The following COPG2 variants were observed in gnomAD, a reference collection of about 807,000 sequenced individuals.
The protein encoded by COPG2 is coat protein complex I subunit gamma 2, also known as coatomer subunit gamma-2.
A neutral mutation model predicts 46.3 loss-of-function variants in COPG2; 37 were observed. The ratio of observed to expected loss-of-function variants is 0.80; its 90% CI spans 0.61 to 1.05. The LOEUF (loss-of-function observed/expected upper bound fraction) is 1.05. Among genes scored for constraint, COPG2 ranks in the 50% least tolerant of loss-of-function variants. The probability of loss-of-function intolerance (pLI) is 0.00; values close to 1 mark genes in which losing one functional copy is unlikely to be tolerated. For synonymous variants in COPG2, 159 were observed against 129.7 expected (o/e 1.23, Z -1.53); for missense variants, 427 against 387.8 (o/e 1.10, Z -0.85).
intron 9 of COPG2, chr7:130,603,872 A>G: frequency 1.9e-6 from 1 of 519,204 alleles, no homozygotes; most frequent in South Asian, 1.4e-5. Flanking sequence ...CTCCCCCAAA[A>G]TATCACTAAT....
intron 5 of COPG2, among the ~76,000 whole-genome samples, chr7:130,646,360 G>A (rs1795594579): frequency 6.6e-6 from 1 of 152,070 alleles, no homozygotes; most frequent in Non-Finnish European, 1.5e-5. Context: ...TGATTTCTTT[G>A]GGTCACTATT....
At chr7:130,595,655 C>A (rs1794512589) in intron 9 of COPG2, among the ~76,000 whole-genome samples, 1 of 152,112 alleles carries the variant, frequency 6.6e-6, no homozygotes, top group Non-Finnish European at 1.5e-5. Context: ...CTCTTGAGTA[C>A]CCCCACACTC....
chr7:130,663,025 C>G lies in COPG2; in HGVS notation c.185G>C (p.Gly62Ala). 5 of 1,539,972 alleles carry G rather than the reference C, an allele frequency of 3.2e-6. No homozygotes were observed. Among genetic ancestry groups the G allele is most frequent in the Non-Finnish European group, 4.4e-6 (5 of 1,144,248 alleles). Residue 62 changes from glycine to alanine, a missense_variant, in exon 4 of 24, where the codon GGA (glycine) becomes GCA (alanine). Transcript: ENST00000425248. ...LYLLNQGEHFGTTEATEAFFA... is the reference protein window; with the variant it reads ...LYLLNQGEHFATTEATEAFFA... ...GAAGGCTTCTGTAGCTTCCGTTGTT[C>G]CAAAGTGTTCACCCTAAGTAAAATT... is the stretch of plus-strand genomic sequence containing the variant.
chr7:130,523,237 G>C lies in COPG2; in HGVS notation c.2150-14578C>G, dbSNP rs941533157. 4.4e-4 allele frequency among the ~76,000 whole-genome samples: 67 copies of C among 152,060 alleles called. No homozygotes were observed. The East Asian group carries it at 0.011, about 25-fold the overall frequency. On this transcript the variant is annotated intron_variant, in intron 20 of 23. Transcript: ENST00000425248. ...ATCAGTGATTCTTATCTGAGGTGGG[G>C]GGTGGGTTTCACCCGAGGGAGGGCT...
In COPG2 at chr7:130,655,498, C is replaced by T. The variant is rs1584614142; in HGVS notation, c.244-2550G>A. ...AGTTTCCTTTTTTACACACACAGAT[C>T]AGTTTTTACTTAACCAAAGACTCCA... is the stretch of plus-strand genomic sequence containing the variant. On this transcript the variant is annotated intron_variant, in intron 4 of 23. Transcript: ENST00000425248. Among the ~76,000 whole-genome samples the T allele has an allele frequency of 2.0e-5, 3 of 152,250 alleles. 1 individual carries two copies. In the South Asian group the frequency reaches 6.2e-4, roughly 32 times the overall value.
chr7:130,569,319 T>C (rs897880649), intron 9 of COPG2, among the ~76,000 whole-genome samples: 7 of 152,020 alleles, frequency 4.6e-5, no homozygotes, highest in Admixed American at 6.6e-5. Flanking sequence ...TTACCAAGAC[T>C]AACCAAGAAG....
intron 9 of COPG2, among the ~76,000 whole-genome samples, chr7:130,606,075 C>T (rs928692012): frequency 2.6e-5 from 4 of 151,982 alleles, no homozygotes; most frequent in Non-Finnish European, 4.4e-5. Context: ...ATCCACCCAC[C>T]TCAGCTTCCC....
chr7:130,590,427 CGTATTTTTT>C (rs560100276), intron 9 of COPG2, among the ~76,000 whole-genome samples: 2 of 152,346 alleles, frequency 1.3e-5, no homozygotes, highest in East Asian at 3.9e-4. Flanking sequence ...GACTGGTTTT[CGTATTTTTT>C]TGGTGGAGAC....
At chr7:130,653,145 T>C (rs781886655) in intron 4 of COPG2, among the ~76,000 whole-genome samples, 197 bp from the exon 5 acceptor site, 13 of 152,324 alleles carry the variant, frequency 8.5e-5, no homozygotes, top group Middle Eastern at 3.4e-3. Flanking sequence ...AACTGATGCA[T>C]TGACACAATA....
intron 5 of COPG2, among the ~76,000 whole-genome samples, chr7:130,644,206 G>A (rs1795548081): frequency 6.6e-6 from 1 of 152,142 alleles, no homozygotes; most frequent in South Asian, 2.1e-4. Context: ...TTTTGGGGGT[G>A]GAAAGGGCTA....
Position 130,554,665 on chromosome 7 carries a change from G to T in COPG2, c.1284C>A (p.Asn428Lys). 2.5e-6 allele frequency: 1 copy of T among 398,526 alleles called. No individual in the cohort carries two copies. Among genetic ancestry groups the T allele is most frequent in the Non-Finnish European group, 4.4e-6 (1 of 226,052 alleles). The allele number at this position is 398,526 out of a possible 1,614,324, so 24.7% of individuals were successfully genotyped here. A position where few individuals can be genotyped will look rare whatever the true frequency, so the allele number is the denominator to read the frequency against. Residue 428 changes from asparagine (N) to lysine (K), a missense_variant, in exon 14 of 24, where the codon AAC (asparagine) becomes AAA (lysine). Asn to Lys is a moderately conservative substitution (Grantham distance 94). Transcript: ENST00000425248. ...VDCIISIVEE[N>K]PESKEAGLAH... ...CTAGGCCTGCTTCTTTACTCTCAGGGTTCTCTTCCACAATGCTGATTATAC... is the reference window on the plus strand; with the variant it reads ...CTAGGCCTGCTTCTTTACTCTCAGGTTTCTCTTCCACAATGCTGATTATAC...
chr7:130,667,548 A>G lies in COPG2; in HGVS notation c.38-14T>C. The G allele has an allele frequency of 6.2e-7, 1 of 1,610,998 alleles. No homozygotes were observed. The highest frequency in any genetic ancestry group is 8.5e-7 in the Non-Finnish European group (1 of 1,177,910). On this transcript the variant is annotated splice_polypyrimidine_tract_variant and intron_variant, in intron 1 of 23. Transcript: ENST00000425248. ...TGGAGCCACTACCTATTTATAAAACAAAACAAAAAAATGTCCTGAACAGCT... is the reference window on the plus strand; with the variant it reads ...TGGAGCCACTACCTATTTATAAAACGAAACAAAAAAATGTCCTGAACAGCT...
At chr7:130,636,166 G>A (rs1795332678) in intron 5 of COPG2, among the ~76,000 whole-genome samples, 1 of 152,182 alleles carries the variant, frequency 6.6e-6, no homozygotes, top group South Asian at 2.1e-4. Context: ...GTGTGGAGAA[G>A]AATGTATATT....
At chr7:130,528,272 G>A (rs1184858015) in intron 20 of COPG2, among the ~76,000 whole-genome samples, 1 of 152,174 alleles carries the variant, frequency 6.6e-6, no homozygotes, top group Admixed American at 6.5e-5. Context: ...AAGAAGGTAG[G>A]AAATTCACAG....
intron 9 of COPG2, among the ~76,000 whole-genome samples, chr7:130,569,843 A>G (rs1162973673): frequency 2.6e-5 from 4 of 152,212 alleles, no homozygotes; most frequent in Admixed American, 2.0e-4. Context: ...CAGCATATCA[A>G]AAAGATATCC....
At chr7:130,616,564 T>G (rs994230375) in intron 6 of COPG2, among the ~76,000 whole-genome samples, 1 of 152,140 alleles carries the variant, frequency 6.6e-6, no homozygotes, top group African/African-American at 2.4e-5. Flanking sequence ...CACTCCAGCC[T>G]GGGCGAAAGC....
At chr7:130,541,553 G>A (rs1799937813) in intron 20 of COPG2, among the ~76,000 whole-genome samples, 1 of 152,102 alleles carries the variant, frequency 6.6e-6, no homozygotes, top group Non-Finnish European at 1.5e-5. Context: ...CGAGACACGA[G>A]TGAGTGACAA....
intron 11 of COPG2, 34 bp downstream of exon 11, chr7:130,563,235 G>C: frequency 2.5e-6 from 1 of 397,738 alleles, no homozygotes; most frequent in East Asian, 3.6e-5. Flanking sequence ...ATTAAATACT[G>C]ATATAAGTCA....
intron 3 of COPG2, among the ~76,000 whole-genome samples, chr7:130,663,253 T>C (rs1278050084): frequency 6.6e-6 from 1 of 152,186 alleles, no homozygotes; most frequent in Non-Finnish European, 1.5e-5. Context: ...TAATTCAGTA[T>C]CGCATACCAT....
Sources: allele counts gnomAD v4.1 joint callset (sites outside exome capture counted in the v4.1 genomes callset), GRCh38; gene constraint gnomAD v4.1.1; transcripts MANE v1.5; gene names NCBI Gene and HGNC (gene_info 2026-07-23, HGNC 2026-07-21).